FRMPD4: variants seen among roughly 807,000 people sequenced by gnomAD.
FRMPD4 encodes the protein FERM and PDZ domain-containing protein 4.
Under a neutral mutation model 94.1 loss-of-function variants are expected in FRMPD4, and 22 were observed. That is an observed-to-expected ratio of 0.23 (90% CI 0.17 to 0.33). FRMPD4 has a LOEUF of 0.33. Ranked by LOEUF, FRMPD4 falls within the 10% of genes least tolerant of loss-of-function variation. FRMPD4 has a pLI of 1.00. For synonymous variants in FRMPD4, 631 were observed against 548.6 expected, an observed-to-expected ratio of 1.15 and a Z score of -2.10; for missense variants, 1,111 against 1,339.9, an observed-to-expected ratio of 0.83 and a Z score of 2.67.
At chrX:12,369,021 C>G (rs1238787138) in intron 1 of FRMPD4, among the ~76,000 whole-genome samples, 1 of 110,873 alleles carries the variant, frequency 9.0e-6, no homozygotes, top group Non-Finnish European at 1.9e-5. Context: ...TTCCTCTGCC[C>G]CGCCCTTCGT....
chrX:12,070,527 T>G (rs755096675), intron 3 of FRMPD4, among the ~76,000 whole-genome samples: 137 of 111,734 alleles, frequency 1.2e-3, no homozygotes, highest in African/African-American at 4.2e-3. Flanking sequence ...AATGTTATGC[T>G]GAGGCCATTG....
At chrX:12,145,369 A>G (rs1327317828) in intron 1 of FRMPD4, among the ~76,000 whole-genome samples, 1 of 112,265 alleles carries the variant, frequency 8.9e-6, no homozygotes, top group African/African-American at 3.2e-5. Context: ...GGAGTCCTGG[A>G]TATTTGTCTC....
chrX:11,911,652 G>A (rs1000561059), intron 3 of FRMPD4, among the ~76,000 whole-genome samples: 2 of 111,626 alleles, frequency 1.8e-5, no homozygotes, highest in Non-Finnish European at 3.8e-5. Context: ...GTTAGCAAAC[G>A]CAAGCAAAGA....
chrX:12,047,825 TTTA>T (rs2054794227), intron 3 of FRMPD4, among the ~76,000 whole-genome samples: 1 of 112,302 alleles, frequency 8.9e-6, no homozygotes, highest in Non-Finnish European at 1.9e-5. Context: ...AGGACATGTT[TTTA>T]TTCTTTTTTA....
chrX:12,144,014 A>C (rs992049391), intron 1 of FRMPD4, among the ~76,000 whole-genome samples: 3 of 112,085 alleles, frequency 2.7e-5, no homozygotes, highest in African/African-American at 9.7e-5. Context: ...ATGTATGGAA[A>C]AAGAATGGGT....
chrX:12,241,200 C>G (rs2057125488), intron 1 of FRMPD4, among the ~76,000 whole-genome samples: 1 of 112,147 alleles, frequency 8.9e-6, no homozygotes, highest in Admixed American at 9.5e-5. Context: ...TGATGTTTGA[C>G]TCATTACATT....
At chrX:12,160,971 A>G (rs969100036) in intron 1 of FRMPD4, among the ~76,000 whole-genome samples, 3 of 110,858 alleles carry the variant, frequency 2.7e-5, no homozygotes, top group South Asian at 3.8e-4. Flanking sequence ...TAATTCTACA[A>G]TTTTACTAAC....
At chrX:12,088,784 G>A (rs1205252533) in intron 3 of FRMPD4, among the ~76,000 whole-genome samples, 1 of 112,344 alleles carries the variant, frequency 8.9e-6, no homozygotes, top group African/African-American at 3.2e-5. Context: ...CCTTTTTCCT[G>A]TCAGTTAAAT....
At chrX:11,895,773 A>C (rs2053900142) in intron 3 of FRMPD4, among the ~76,000 whole-genome samples, 1 of 111,933 alleles carries the variant, frequency 8.9e-6, no homozygotes, top group African/African-American at 3.3e-5. Context: ...GTTGTTCTAG[A>C]AACCTCTCAA....
chrX:11,996,572 A>C lies in FRMPD4; in HGVS notation c.95+118554A>C, dbSNP rs774168784. On this transcript the variant is annotated intron_variant, in intron 3 of 18. Transcript: ENST00000640291. ...AACAAAATTCTTTCAGAGGAAAACA[A>C]TAATGCTTCCTTTGTGAAATCATTT... is the stretch of plus-strand genomic sequence containing the variant. 2.7e-5 allele frequency among the ~76,000 whole-genome samples: 3 copies of C among 112,572 alleles called. No individual in the cohort carries two copies. The South Asian group carries it at 1.1e-3, about 41-fold the overall frequency.
chrX:12,265,699 C>T (rs963527687), intron 1 of FRMPD4, among the ~76,000 whole-genome samples: 1 of 110,225 alleles, frequency 9.1e-6, no homozygotes, highest in Non-Finnish European at 1.9e-5. Flanking sequence ...ATACTGTAGC[C>T]CTTTATGATT....
chrX:12,404,354 GT>G (rs1192490600), intron 1 of FRMPD4, among the ~76,000 whole-genome samples: 1 of 111,837 alleles, frequency 8.9e-6, no homozygotes, highest in Non-Finnish European at 1.9e-5. Context: ...TGGTTATTAT[GT>G]TTTTTGGGGT....
intron 1 of FRMPD4, among the ~76,000 whole-genome samples, chrX:11,825,697 A>C: frequency 8.9e-6 from 1 of 112,065 alleles, no homozygotes. Context: ...AGTGAAATCC[A>C]AACAAGATTA....
chrX:12,721,222 G>A lies in FRMPD4; in HGVS notation c.4653G>A (p.Ala1551=). 9.3e-6 allele frequency: 7 copies of A among 756,204 alleles called. No homozygotes were observed. Among genetic ancestry groups the A allele is most frequent in the Non-Finnish European group, 1.1e-5 (7 of 639,504 alleles). The allele number at this position is 756,204 out of a possible 1,213,427, so 62.3% of individuals were successfully genotyped here. A position where few individuals can be genotyped will look rare whatever the true frequency, so the allele number is the denominator to read the frequency against. The change falls in exon 17 of 17, where the codon GCG becomes GCA. Residue 1551 remains alanine (A), a synonymous_variant. Coordinates refer to ENST00000675598, the MANE Select transcript of FRMPD4 (RefSeq NM_001368397.1). ...CAAGCAGCCCATGCCTGGCTGTGGC[G>A]ATTCAGAAGCAACGAGGGGAGCTAT... ...PEPSSPCLAV[A]IQKQRGELSR... is the part of the protein sequence containing the mutation.
intron 4 of FRMPD4, among the ~76,000 whole-genome samples, chrX:12,617,746 G>T: frequency 9.0e-6 from 1 of 110,773 alleles, no homozygotes; most frequent in South Asian, 3.9e-4. Flanking sequence ...TTAAAAATTG[G>T]CATCCATTTG....
intron 3 of FRMPD4, among the ~76,000 whole-genome samples, chrX:11,910,937 C>CA (rs371287212): frequency 0.039 from 3,452 of 89,562 alleles, 78 homozygotes; most frequent in African/African-American, 0.079. Context: ...CCCCTGCCCA[C>CA]AAAAAAAAAA....
Position 12,138,597 on chromosome X carries a change from C to T in FRMPD4, c.-375C>T. The T allele has an allele frequency of 7.2e-6, 2 of 278,839 alleles. No homozygotes were observed. The highest frequency in any genetic ancestry group is 1.3e-5 in the Non-Finnish European group (2 of 158,599). The allele number at this position is 278,839 out of a possible 1,213,427, so 23.0% of individuals were successfully genotyped here. Reference sequence around the variant, plus strand: ...GGGCCGGGAAGCCAGAGCAGCGCCTCTCGCCCAGGCCTCGCTTTCTCTGGA... The same window carrying T: ...GGGCCGGGAAGCCAGAGCAGCGCCTTTCGCCCAGGCCTCGCTTTCTCTGGA... On this transcript the variant is annotated 5_prime_UTR_variant, in exon 1 of 17. Coordinates refer to ENST00000675598, the MANE Select transcript of FRMPD4 (RefSeq NM_001368397.1).
intron 4 of FRMPD4, among the ~76,000 whole-genome samples, chrX:12,646,906 T>C (rs978852566): frequency 8.9e-6 from 1 of 112,412 alleles, no homozygotes; most frequent in Non-Finnish European, 1.9e-5. Flanking sequence ...AAGCTCTATA[T>C]TGTTCCAATT....
intron 1 of FRMPD4, among the ~76,000 whole-genome samples, chrX:12,474,651 T>C (rs1372724118): frequency 2.7e-5 from 3 of 111,215 alleles, no homozygotes; most frequent in Non-Finnish European, 5.7e-5. Context: ...CCCAGAGAAA[T>C]ACAAACTACC....
Sources: gnomAD v4.1 joint callset for allele counts (sites outside exome capture counted in the v4.1 genomes callset) on GRCh38, gnomAD v4.1.1 for gene constraint, MANE v1.5 for transcripts, NCBI Gene and HGNC (gene_info 2026-07-23, HGNC 2026-07-21) for gene names.